SOD2: variants seen among roughly 807,000 people sequenced by gnomAD.
The protein encoded by SOD2 is superoxide dismutase 2.
In SOD2, 11 loss-of-function variants were observed where a neutral mutation model predicts 27.0. That is an observed-to-expected ratio of 0.41 (90% CI 0.26 to 0.67). The LOEUF (loss-of-function observed/expected upper bound fraction) is 0.67, where lower values mean the gene tolerates loss of function less well. Ranked by LOEUF, SOD2 falls within the 30% of genes least tolerant of loss-of-function variation. The pLI is 0.34. For synonymous variants in SOD2, 105 were observed against 103.0 expected, an observed-to-expected ratio of 1.02 and a Z score of -0.12; for missense variants, 250 against 274.5, an observed-to-expected ratio of 0.91 and a Z score of 0.63.
At chr6:159,751,148 T>A (rs539413417) in intron 1 of SOD2, among the ~76,000 whole-genome samples, 7 of 152,368 alleles carry the variant, frequency 4.6e-5, no homozygotes, top group Admixed American at 4.6e-4. Context: ...CTACTTGTAA[T>A]TAAATTATTT....
At chr6:159,720,148 A>T (rs1024535371) in intron 1 of SOD2, among the ~76,000 whole-genome samples, 2 of 150,896 alleles carry the variant, frequency 1.3e-5, no homozygotes, top group Non-Finnish European at 2.9e-5. Flanking sequence ...CTCCTGTCTC[A>T]TCCTCCGGAG....
chr6:159,685,088 A>T (rs1780121361), intron 3 of SOD2, 55 bp from the exon 4 acceptor site: 1 of 1,384,900 alleles, frequency 7.2e-7, no homozygotes, highest in South Asian at 1.5e-5. Context: ...CAATAATTAC[A>T]GTAAAATGTT....
At chr6:159,736,844 A>T (rs1778951572) in intron 1 of SOD2, 1 of 152,242 alleles carries the variant, frequency 6.6e-6, no homozygotes, top group African/African-American at 2.4e-5. Context: ...ATACACACAC[A>T]CAGTGGCTGT....
intron 1 of SOD2, among the ~76,000 whole-genome samples, chr6:159,758,705 TAAG>T (rs1488934036): frequency 1.3e-5 from 2 of 152,154 alleles, no homozygotes; most frequent in African/African-American, 4.8e-5. Context: ...CCCCTAGTGG[TAAG>T]GAGTACACTG....
chr6:159,735,500 C>G (rs879291523), intron 1 of SOD2, among the ~76,000 whole-genome samples: 11 of 152,100 alleles, frequency 7.2e-5, no homozygotes, highest in African/African-American at 2.2e-4. Flanking sequence ...CCTGTAATCC[C>G]AGCACTTTGG....
chr6:159,708,565 A>T (rs899888327), intron 1 of SOD2, among the ~76,000 whole-genome samples: 2 of 152,358 alleles, frequency 1.3e-5, no homozygotes, highest in South Asian at 2.1e-4. Flanking sequence ...CTTACAAGGT[A>T]TGTGAAGGAC....
At position 159,718,163 on chromosome 6, in the gene SOD2, T is replaced by G. The variant is rs185319319; in HGVS notation, c.-116+8966A>C. On this transcript the variant is annotated intron_variant, in intron 1 of 2. Coordinates refer to the SOD2 transcript ENST00000401980. ...GCACACCACCATGCCTGGCTAATTT[T>G]TATTTTTTTGTAGAGGTGGGGTCTC... 1.3e-4 allele frequency among the ~76,000 whole-genome samples: 20 copies of G among 152,144 alleles called. No individual in the cohort carries two copies. The East Asian group carries it at 3.7e-3, about 28-fold the overall frequency.
intron 1 of SOD2, among the ~76,000 whole-genome samples, chr6:159,756,598 T>TC (rs1455285117): frequency 1.4e-5 from 2 of 146,652 alleles, no homozygotes; most frequent in African/African-American, 5.0e-5. Context: ...CTTAGGCTTT[T>TC]TTTTTTTTTT....
At chr6:159,716,832 G>A (rs1041426773) in intron 1 of SOD2, among the ~76,000 whole-genome samples, 5 of 152,132 alleles carry the variant, frequency 3.3e-5, no homozygotes, top group Non-Finnish European at 7.3e-5. Context: ...CACTTGTTGA[G>A]AAACACTGGC....
At chr6:159,692,542 G>C (rs770145529) in intron 2 of SOD2, 119 bp downstream of exon 2, 3 of 1,510,276 alleles carry the variant, frequency 2.0e-6, no homozygotes, top group Non-Finnish European at 1.8e-6. Flanking sequence ...TGGAAAACTC[G>C]GAACCGGTAC....
At chr6:159,750,303 G>A (rs1280048084) in intron 1 of SOD2, among the ~76,000 whole-genome samples, 2 of 152,142 alleles carry the variant, frequency 1.3e-5, no homozygotes, top group Non-Finnish European at 2.9e-5. Context: ...TACTCAAATT[G>A]AGCAGGCATC....
exon 1 of SOD2, chr6:159,761,764 G>C (rs193058938): frequency 0.023 from 6,892 of 304,564 alleles, 138 homozygotes; most frequent in Middle Eastern, 0.038. Flanking sequence ...GAAACACTGG[G>C]GTTTCAGGCG....
upstream of SOD2, among the ~76,000 whole-genome samples, chr6:159,728,999 C>G (rs1447625908): frequency 6.6e-6 from 1 of 152,146 alleles, no homozygotes; most frequent in Non-Finnish European, 1.5e-5. Context: ...TCTAGCTTTT[C>G]CAATTCAACG....
At chr6:159,748,868 C>T, upstream of SOD2, 1 of 1,206,586 alleles carries the variant, frequency 8.3e-7, no homozygotes, top group South Asian at 4.3e-5. This position sits in a 1 kb window ranked among gnomAD's most constrained non-coding sequence, Gnocchi z 5.6. Flanking sequence ...CACTGTGTAT[C>T]AGTTTTGCCA....
chr6:159,718,801 G>A (rs1261294777), intron 1 of SOD2, among the ~76,000 whole-genome samples: 2 of 152,168 alleles, frequency 1.3e-5, no homozygotes, highest in Admixed American at 6.5e-5. Flanking sequence ...CTGTGAATAG[G>A]AGATAACCTG....
rs930993865 is a variant in SOD2 at position 159,762,230 on chromosome 6, C to A, written c.-1529G>T. The A allele has an allele frequency of 1.7e-5, 24 of 1,450,600 alleles. No homozygotes were observed. The South Asian group carries it at 2.9e-4, about 18-fold the overall frequency. The allele number at this position is 1,450,600 out of a possible 1,614,324, so 89.9% of individuals were successfully genotyped here. On this transcript the variant is annotated 5_prime_UTR_variant, in exon 1 of 8. Coordinates refer to the SOD2 transcript ENST00000546087. ...GGGCCGGACTTGTGTAGGAGAGGGG[C>A]GTATGTGGAGGAAGCCGGTCAGGCC...
At chr6:159,718,249 C>T (rs897108217) in intron 1 of SOD2, among the ~76,000 whole-genome samples, 3 of 152,224 alleles carry the variant, frequency 2.0e-5, no homozygotes, top group Non-Finnish European at 4.4e-5. Flanking sequence ...TCTAAATTCC[C>T]AGCCTCCTAA....
chr6:159,673,615 T>C lies in SOD2; in HGVS notation c.*8878A>G, dbSNP rs1249829256. On this transcript the variant is annotated 3_prime_UTR_variant, in exon 5 of 5. Coordinates refer to ENST00000538183, the MANE Select transcript of SOD2 (RefSeq NM_000636.4). ...TTAAAGCAGTGTGTAGAGGGAAATT[T>C]ACAGCACTAAGTGCCCACAAGAGAA... 2 of 152,156 alleles carry C rather than the reference T, an allele frequency of 1.3e-5. No homozygotes were observed. The highest frequency in any genetic ancestry group is 1.9e-4 in the East Asian group (1 of 5,198). 9.4% of individuals were successfully genotyped at this position (152,156 alleles called of 1,614,324 possible).
chr6:159,756,664 C>CAGT (rs1165909412), intron 1 of SOD2, among the ~76,000 whole-genome samples: 1 of 135,200 alleles, frequency 7.4e-6, no homozygotes, highest in Non-Finnish European at 1.5e-5. Flanking sequence ...TGCAGTGGTG[C>CAGT]AGTCATGGCT....
Sources: gnomAD v4.1 joint callset for allele counts (sites outside exome capture counted in the v4.1 genomes callset) on GRCh38, gnomAD v4.1.1 for gene constraint, Gnocchi (gnomAD v3.1) non-coding constraint, MANE v1.5 for transcripts, NCBI Gene and HGNC (gene_info 2026-07-23, HGNC 2026-07-21) for gene names.